The following DIAPH2 variants were observed in gnomAD, a reference collection of about 807,000 sequenced individuals.
DIAPH2 encodes diaphanous related formin 2, also known as protein diaphanous homolog 2.
Under a neutral mutation model 92.7 loss-of-function variants are expected in DIAPH2, and 35 were observed. The observed-to-expected ratio is 0.38, with a 90% CI of 0.29 to 0.50. DIAPH2 has a LOEUF of 0.50. Ranked by LOEUF, DIAPH2 falls within the 20% of genes least tolerant of loss-of-function variation. DIAPH2 has a pLI of 0.94. For synonymous variants in DIAPH2, 301 were observed against 280.4 expected (o/e 1.07, Z -0.73); for missense variants, 701 against 819.5 (o/e 0.86, Z 1.77).
chrX:96,774,285 GATA>G (rs1240861206), intron 4 of DIAPH2, among the ~76,000 whole-genome samples: 1 of 111,566 alleles, frequency 9.0e-6, no homozygotes. Context: ...GGCAGTTGTG[GATA>G]ATAATTGACA....
At chrX:96,916,780 G>A (rs956838408) in intron 8 of DIAPH2, among the ~76,000 whole-genome samples, 8 of 111,028 alleles carry the variant, frequency 7.2e-5, no homozygotes, top group African/African-American at 2.3e-4. Context: ...TAAAATCCTA[G>A]TGGGAAATTC....
chrX:96,711,740 CT>C (rs1201397145), intron 1 of DIAPH2, among the ~76,000 whole-genome samples: 2 of 107,171 alleles, frequency 1.9e-5, no homozygotes, highest in Non-Finnish European at 1.9e-5. Flanking sequence ...GTAAAGACAA[CT>C]TTTTTTTTTA....
chrX:97,288,740 C>CAA lies in DIAPH2; in HGVS notation c.2844+40917_2844+40918dup, dbSNP rs1167955541. Among the ~76,000 whole-genome samples the CAA allele has an allele frequency of 6.3e-4, 33 of 52,453 alleles. No individual in the cohort carries two copies. In the East Asian group the frequency reaches 0.011, roughly 17 times the overall value. The allele number at this position is 52,453 out of a possible 115,157, so 45.5% of individuals were successfully genotyped here. ...TGGGTGACAGCGCGAGACTCTGTCT[C>CAA]AAAAAAAAAAAAAAAAACACCGATT... On this transcript the variant is annotated intron_variant, in intron 23 of 26. Transcript: ENST00000324765.
chrX:97,537,622 A>G (rs976965583), intron 26 of DIAPH2, among the ~76,000 whole-genome samples: 1 of 111,000 alleles, frequency 9.0e-6, no homozygotes. Flanking sequence ...TTAGGTTATA[A>G]AAAGAATGTG....
intron 23 of DIAPH2, among the ~76,000 whole-genome samples, chrX:97,343,546 G>C (rs1037287990): frequency 1.8e-5 from 2 of 111,222 alleles, no homozygotes; most frequent in African/African-American, 6.5e-5. Flanking sequence ...GCATGCGCCT[G>C]TAATCTCAGC....
chrX:97,427,596 A>G (rs1197317227), intron 25 of DIAPH2, among the ~76,000 whole-genome samples: 1 of 111,365 alleles, frequency 9.0e-6, no homozygotes, highest in Non-Finnish European at 1.9e-5. Flanking sequence ...TTTTTTTTCT[A>G]TTGAAAAGAG....
chrX:97,507,906 G>T (rs2070848925), intron 26 of DIAPH2, among the ~76,000 whole-genome samples: 1 of 111,237 alleles, frequency 9.0e-6, no homozygotes, highest in Admixed American at 9.7e-5. Context: ...CAAAGGGAAA[G>T]GAATCCAGAG....
intron 24 of DIAPH2, among the ~76,000 whole-genome samples, chrX:97,370,212 C>G (rs1437860051): frequency 9.0e-6 from 1 of 111,500 alleles, no homozygotes; most frequent in Admixed American, 9.6e-5. Flanking sequence ...TTATTGCTTC[C>G]CTGCCCTCTT....
chrX:97,300,930 TTAAAAAAAAAAAAAAA>T (rs2068693382), intron 23 of DIAPH2, among the ~76,000 whole-genome samples: 1 of 8,591 alleles, frequency 1.2e-4, no homozygotes, highest in Non-Finnish European at 2.0e-4. Context: ...AGACTCCGTC[TTAAAAAAAAAAAAAAA>T]AAAAAAAAAA....
intron 26 of DIAPH2, among the ~76,000 whole-genome samples, chrX:97,557,523 G>C (rs2071266078): frequency 8.9e-6 from 1 of 111,737 alleles, no homozygotes; most frequent in Non-Finnish European, 1.9e-5. Context: ...TGGGCAACAA[G>C]AGCGAAAGAA....
chrX:96,795,996 C>T (rs2064535984), intron 4 of DIAPH2, among the ~76,000 whole-genome samples: 1 of 111,170 alleles, frequency 9.0e-6, no homozygotes, highest in Admixed American at 9.6e-5. Context: ...ATAGTGGATG[C>T]AGAACCTGTG....
At chrX:97,043,902 C>T (rs1451373790) in intron 17 of DIAPH2, among the ~76,000 whole-genome samples, 5 of 111,987 alleles carry the variant, frequency 4.5e-5, no homozygotes, top group Admixed American at 3.8e-4. Flanking sequence ...GCTTTCTGAT[C>T]ATGTATTGGT....
intron 26 of DIAPH2, among the ~76,000 whole-genome samples, chrX:97,597,314 T>C (rs1223272268): frequency 8.9e-6 from 1 of 112,359 alleles, no homozygotes; most frequent in Non-Finnish European, 1.9e-5. Flanking sequence ...TCCATGTCTT[T>C]TCGTCAGTTT....
At chrX:96,939,235 G>T (rs775022003) in intron 11 of DIAPH2, 31 bp from the exon 12 acceptor site, 1 of 643,556 alleles carries the variant, frequency 1.6e-6, no homozygotes, top group Non-Finnish European at 2.5e-6. Context: ...CTTCCATCAA[G>T]GATCTTTAAT....
intron 19 of DIAPH2, among the ~76,000 whole-genome samples, chrX:97,090,269 G>C (rs2066813324): frequency 1.2e-5 from 1 of 84,536 alleles, no homozygotes; most frequent in African/African-American, 4.4e-5. Context: ...AGTAAGAATT[G>C]TTCGTGATCC....
At chrX:96,822,943 C>T (rs2064788290) in intron 4 of DIAPH2, among the ~76,000 whole-genome samples, 1 of 111,822 alleles carries the variant, frequency 8.9e-6, no homozygotes, top group Non-Finnish European at 1.9e-5. Flanking sequence ...ATATAAGTTA[C>T]ATATATGATG....
At position 97,000,657 on chromosome X, in the gene DIAPH2, G is replaced by T. The variant is rs2066137864; in HGVS notation, c.2050+35450G>T. Among the ~76,000 whole-genome samples, 3 of 108,187 alleles carry T rather than the reference G, an allele frequency of 2.8e-5. No homozygotes were observed. The South Asian group carries it at 1.2e-3, about 44-fold the overall frequency. 93.9% of individuals were successfully genotyped at this position (108,187 alleles called of 115,157 possible). A position where few individuals can be genotyped will look rare whatever the true frequency, so the allele number is the denominator to read the frequency against. ...CACACACACACACACACACACGTAT[G>T]TCTACTTTGAGTTTTGTAAAATTAT... On this transcript the variant is annotated intron_variant, in intron 17 of 26. Coordinates refer to ENST00000324765, the MANE Select transcript of DIAPH2 (RefSeq NM_006729.5).
intron 22 of DIAPH2, among the ~76,000 whole-genome samples, chrX:97,153,760 A>G (rs980000434): frequency 3.6e-5 from 4 of 111,538 alleles, no homozygotes; most frequent in African/African-American, 1.3e-4. Flanking sequence ...ATGAAGGCTC[A>G]TGTTATTTTA....
intron 4 of DIAPH2, among the ~76,000 whole-genome samples, chrX:96,792,947 T>A (rs2064511232): frequency 9.0e-6 from 1 of 111,649 alleles, no homozygotes; most frequent in African/African-American, 3.3e-5. Flanking sequence ...AAATTAAAGT[T>A]ACTTTAAAAT....
Sources: allele counts gnomAD v4.1 joint callset (sites outside exome capture counted in the v4.1 genomes callset), GRCh38; gene constraint gnomAD v4.1.1; transcripts MANE v1.5; gene names NCBI Gene and HGNC (gene_info 2026-07-23, HGNC 2026-07-21).